DCT: variants seen among roughly 807,000 people sequenced by gnomAD.
DCT encodes L-dopachrome tautomerase.
Under a neutral mutation model 53.0 loss-of-function variants are expected in DCT, and 47 were observed. The observed-to-expected ratio is 0.89, with a 90% confidence interval of 0.70 to 1.13. DCT has a LOEUF of 1.13. DCT is among the 50% of genes most tolerant of loss of function. The pLI, the probability that DCT is intolerant of heterozygous loss-of-function variation, is 0.00. For missense variants in DCT, 669 were observed against 637.4 expected (o/e 1.05, Z -0.53); for synonymous variants, 244 against 237.0 (o/e 1.03, Z -0.27).
intron 7 of DCT, among the ~76,000 whole-genome samples, chr13:94,442,626 C>G (rs762470088): frequency 1.3e-5 from 2 of 152,136 alleles, no homozygotes; most frequent in Non-Finnish European, 1.5e-5. Flanking sequence ...TATGTTGAAC[C>G]AAGTGGGAAA....
Position 94,468,819 on chromosome 13 carries a change from C to A in DCT, c.522G>T (p.Pro174=). ...CATAAACACTGCAGTTGGCAAACTG[C>A]GGCTGGGTTCCATTGGGCCCAAGCA... ...LGLLGPNGTQ[P]QFANCSVYDF... is the part of the protein sequence containing the mutation. Residue 174 remains proline, a synonymous_variant, in exon 2 of 8, where the codon CCG becomes CCT. Coordinates refer to ENST00000377028, the MANE Select transcript of DCT (RefSeq NM_001922.5). 1.9e-6 allele frequency: 3 copies of A among 1,614,162 alleles called. No individual in the cohort carries two copies. Among genetic ancestry groups the A allele is most frequent in the South Asian group, 1.1e-5 (1 of 91,088 alleles).
the DCT span, among the ~76,000 whole-genome samples, chr13:94,529,599 A>G: frequency 6.6e-6 from 1 of 152,256 alleles, no homozygotes; most frequent in Non-Finnish European, 1.5e-5. Flanking sequence ...CAATGAGAAC[A>G]AAGACACAAC....
chr13:94,516,253 G>A, the DCT span, among the ~76,000 whole-genome samples: 1 of 152,148 alleles, frequency 6.6e-6, no homozygotes, highest in East Asian at 1.9e-4. Context: ...CCAAGTGCAG[G>A]TGGGTAGGGA....
intron 1 of DCT, among the ~76,000 whole-genome samples, chr13:94,472,664 A>G (rs1197404143): frequency 7.4e-6 from 1 of 135,820 alleles, no homozygotes; most frequent in Non-Finnish European, 1.5e-5. Flanking sequence ...TCCCTGCAAC[A>G]ACCACCTCCC....
the DCT span, among the ~76,000 whole-genome samples, chr13:94,532,518 C>A: frequency 6.6e-6 from 1 of 152,194 alleles, no homozygotes; most frequent in Non-Finnish European, 1.5e-5. Context: ...CCATCATTCT[C>A]AGCAAACTAT....
chr13:94,520,127 C>G, the DCT span, among the ~76,000 whole-genome samples: 1 of 152,256 alleles, frequency 6.6e-6, no homozygotes, highest in Non-Finnish European at 1.5e-5. Flanking sequence ...AAATTAGAGT[C>G]AATACAATGA....
chr13:94,544,613 A>G, the DCT span, among the ~76,000 whole-genome samples: 1 of 152,182 alleles, frequency 6.6e-6, no homozygotes, highest in African/African-American at 2.4e-5. Context: ...GATCCATTAG[A>G]AAAGGAAGTT....
intron 4 of DCT, among the ~76,000 whole-genome samples, chr13:94,464,127 G>GAC (rs1884000711): frequency 6.6e-6 from 1 of 152,360 alleles, no homozygotes; most frequent in East Asian, 1.9e-4. Flanking sequence ...AAGCACTGAT[G>GAC]ATGTCCCTGC....
chr13:94,499,707 C>G, the DCT span, among the ~76,000 whole-genome samples: 1 of 152,122 alleles, frequency 6.6e-6, no homozygotes, highest in African/African-American at 2.4e-5. Context: ...AATGATTTGA[C>G]TCCCAGAGCT....
the DCT span, among the ~76,000 whole-genome samples, chr13:94,523,145 A>G: frequency 6.6e-6 from 1 of 152,174 alleles, no homozygotes; most frequent in Non-Finnish European, 1.5e-5. Flanking sequence ...CAAATCAACC[A>G]TTCCTTTGTT....
intron 4 of DCT, chr13:94,465,390 T>C: frequency 3.2e-6 from 1 of 313,984 alleles, no homozygotes; most frequent in Non-Finnish European, 5.9e-6. Context: ...CTGATAAAAC[T>C]AACCTGATCT....
chr13:94,443,636 AC>A lies in DCT; in HGVS notation c.1180del (p.Val394PhefsTer14). 6.2e-7 allele frequency: 1 copy of A among 1,612,474 alleles called. No homozygotes were observed. Among genetic ancestry groups the A allele is most frequent in the South Asian group, 1.1e-5 (1 of 91,034 alleles). On this transcript the variant is annotated frameshift_variant and splice_region_variant, in exon 7 of 8. Coordinates refer to ENST00000377028, the MANE Select transcript of DCT (RefSeq NM_001922.5). LOFTEE classifies it high-confidence loss of function. ...HSAANDPIFV[V>X]LHSFTDAIFD... ...GATGGCATCAGTAAAGGAATGAAGA[AC>A]CTGCAAAACAGTTGGACACAGCATT...
the DCT span, among the ~76,000 whole-genome samples, chr13:94,504,364 T>C: frequency 6.6e-6 from 1 of 152,110 alleles, no homozygotes; most frequent in Admixed American, 6.5e-5. Context: ...TTTTGTTGTT[T>C]GTTTGTTTTG....
the DCT span, among the ~76,000 whole-genome samples, chr13:94,546,649 G>A: frequency 2.0e-5 from 3 of 152,034 alleles, no homozygotes; most frequent in Non-Finnish European, 4.4e-5. The surrounding 1 kb of genome is among the most constrained non-coding windows in gnomAD (Gnocchi z 4.2). Context: ...AACAGGTGGT[G>A]GGCAAGTGGT....
intron 6 of DCT, among the ~76,000 whole-genome samples, chr13:94,452,925 G>GA (rs1185471942): frequency 2.0e-5 from 3 of 151,976 alleles, no homozygotes; most frequent in East Asian, 1.9e-4. Flanking sequence ...TGGAAAATTA[G>GA]AAAAAAATTG....
At chr13:94,443,403 A>C in intron 7 of DCT, 33 bp downstream of exon 7, 1 of 1,504,146 alleles carries the variant, frequency 6.6e-7, no homozygotes, top group Non-Finnish European at 9.3e-7. Flanking sequence ...TAGAAGATGA[A>C]TGAATCACCC....
the DCT span, among the ~76,000 whole-genome samples, chr13:94,488,827 T>TATAC: frequency 6.7e-6 from 1 of 149,488 alleles, no homozygotes; most frequent in East Asian, 1.9e-4. Flanking sequence ...ACACCATATA[T>TATAC]ATACATACAT....
In DCT at chr13:94,476,180, CTTTTTTTTTTTTT is replaced by C. The variant is rs529819051; in HGVS notation, c.295+2768_295+2780del. On this transcript the variant is annotated intron_variant, in intron 1 of 7. Transcript: ENST00000377028. ...GGGCTTTTTAGAGCAGGGGGAGCCTCTTTTTTTTTTTTTTTTTTTTTTTTTTTGAAGGTAGGTC... is the reference window on the plus strand; with the variant it reads ...GGGCTTTTTAGAGCAGGGGGAGCCTCTTTTTTTTTTTTTTGAAGGTAGGTC... Among the ~76,000 whole-genome samples the C allele has an allele frequency of 1.5e-3, 112 of 72,736 alleles. 1 individual carries two copies. The highest frequency in any genetic ancestry group is 5.9e-3 in the African/African-American group (106 of 18,048). The allele number at this position is 72,736 out of a possible 152,430, so 47.7% of individuals were successfully genotyped here. A position where few individuals can be genotyped will look rare whatever the true frequency, so the allele number is the denominator to read the frequency against.
chr13:94,472,553 T>C (rs7987951), intron 1 of DCT, among the ~76,000 whole-genome samples: 1 of 31,894 alleles, frequency 3.1e-5, no homozygotes, highest in East Asian at 1.1e-3. Context: ...TATATATATA[T>C]ATATATATAT....
Sources: allele counts gnomAD v4.1 joint callset (sites outside exome capture counted in the v4.1 genomes callset), GRCh38; gene constraint gnomAD v4.1.1; non-coding constraint Gnocchi (gnomAD v3.1); transcripts MANE v1.5; gene names NCBI Gene and HGNC (gene_info 2026-07-23, HGNC 2026-07-21).